The following BRSK2 variants were observed in gnomAD, a reference collection of about 807,000 sequenced individuals.
The protein encoded by BRSK2 is BR serine/threonine kinase 2, also known as serine/threonine-protein kinase BRSK2.
A neutral mutation model predicts 83.3 loss-of-function variants in BRSK2; 19 were observed. The ratio of observed to expected loss-of-function variants is 0.23; its 90% CI spans 0.16 to 0.33. BRSK2 has a LOEUF of 0.33. Among genes scored for constraint, BRSK2 ranks in the 10% least tolerant of loss-of-function variants. The pLI, the probability that BRSK2 is intolerant of heterozygous loss-of-function variation, is 1.00. For synonymous variants in BRSK2, 519 were observed against 435.4 expected (o/e 1.19, Z -2.39); for missense variants, 798 against 1,042.3 (o/e 0.77, Z 3.23).
chr11:1,410,746 T>C (rs1022175616), intron 1 of BRSK2: 9 of 984,952 alleles, frequency 9.1e-6, no homozygotes, highest in African/African-American at 1.8e-5. Context: ...GGTCCTCCAT[T>C]CTCAGGGGCT....
intron 18 of BRSK2, 118 bp from the exon 19 acceptor site, chr11:1,459,074 G>T: frequency 2.8e-5 from 22 of 784,126 alleles, no homozygotes; most frequent in South Asian, 1.2e-4. Context: ...CCATGCCTCT[G>T]GGGCCCTACC....
At chr11:1,424,978 C>T (rs11604903) in intron 1 of BRSK2, among the ~76,000 whole-genome samples, 55,183 of 152,196 alleles carry the variant, frequency 0.36, 10,854 homozygotes, top group African/African-American at 0.5. Flanking sequence ...TGTCAGAGAC[C>T]GCGGGGTCAG....
chr11:1,460,235 C>CCCACGGCGCACAGCTT (rs1361428321), intron 19 of BRSK2, among the ~76,000 whole-genome samples: 4 of 152,146 alleles, frequency 2.6e-5, no homozygotes, highest in Admixed American at 6.5e-5. Context: ...AGTTCCTGGC[C>CCCACGGCGCACAGCTT]CCACGGCGCA....
At chr11:1,459,371 GA>G (rs1440393224) in intron 19 of BRSK2, 132 bp downstream of exon 19, 2 of 983,706 alleles carry the variant, frequency 2.0e-6, no homozygotes, top group Non-Finnish European at 3.2e-6. Flanking sequence ...CAGCAGCCCA[GA>G]TGTCCCCGGC....
chr11:1,450,121 G>GTTTCT (rs1260097753), intron 13 of BRSK2, among the ~76,000 whole-genome samples: 1 of 151,644 alleles, frequency 6.6e-6, no homozygotes. Flanking sequence ...GCTCCCGCCT[G>GTTTCT]TTTCTTTCTG....
In BRSK2 at chr11:1,460,842, C is replaced by A; in HGVS notation, c.*119C>A. 1 of 1,543,422 alleles carries A rather than the reference C, an allele frequency of 6.5e-7. No homozygotes were observed. The highest frequency in any genetic ancestry group is 8.7e-7 in the Non-Finnish European group (1 of 1,147,664). On this transcript the variant is annotated 3_prime_UTR_variant, in exon 20 of 20. Transcript: ENST00000528841. ...CCGTCCGTCCAGACTGTTCTCAGAG[C>A]CTGGGAGGAAAGGAAAGGGGCGTTG... is the stretch of plus-strand genomic sequence containing the variant.
At chr11:1,429,216 G>A (rs1213089730) in intron 1 of BRSK2, among the ~76,000 whole-genome samples, 1 of 151,162 alleles carries the variant, frequency 6.6e-6, no homozygotes, top group East Asian at 1.9e-4. Flanking sequence ...TGCACGCGGT[G>A]TGTGGGCGTG....
intron 12 of BRSK2, among the ~76,000 whole-genome samples, chr11:1,446,124 G>T (rs1311323339): frequency 2.1e-5 from 3 of 144,848 alleles, no homozygotes; most frequent in Non-Finnish European, 4.5e-5. Context: ...GCTGAGCTGG[G>T]CTGGGCTGTG....
rs1847360171 is a variant in BRSK2 at position 1,460,644 on chromosome 11, C to G, written c.2132C>G (p.Pro711Arg). Residue 711 changes from proline (P) to arginine (R), a missense_variant, in exon 20 of 20, where the codon CCC becomes CGC. By Grantham distance (103) the Pro-to-Arg change is moderately radical (BLOSUM62 -2). This residue lies in a region of BRSK2 where 455 missense variants were observed against 455.2 expected (regional missense o/e 1.00). Transcript: ENST00000528841. ...GACTCCGCGGCCGCTGGCCCTGGCCCCGGAGGGGACGCCGAGTACCCAACG... is the reference window on the plus strand; with the variant it reads ...GACTCCGCGGCCGCTGGCCCTGGCCGCGGAGGGGACGCCGAGTACCCAACG... ...LGDSAAAGPG[P>R]GGDAEYPTGK... The G allele has an allele frequency of 4.6e-6, 7 of 1,529,078 alleles. No individual in the cohort carries two copies. The highest frequency in any genetic ancestry group is 6.1e-6 in the Non-Finnish European group (7 of 1,143,142). 94.7% of individuals were successfully genotyped at this position (1,529,078 alleles called of 1,614,324 possible). A position where few individuals can be genotyped will look rare whatever the true frequency, so the allele number is the denominator to read the frequency against.
At chr11:1,459,361 C>T in intron 19 of BRSK2, 122 bp downstream of exon 19, 1 of 1,089,530 alleles carries the variant, frequency 9.2e-7, no homozygotes, top group Admixed American at 1.7e-5. Flanking sequence ...TGTAGGCACC[C>T]AGCAGCCCAG....
chr11:1,459,301 C>G, intron 19 of BRSK2, 62 bp downstream of exon 19: 1 of 1,584,990 alleles, frequency 6.3e-7, no homozygotes, highest in Non-Finnish European at 8.7e-7. Context: ...ACCCTCAGCC[C>G]GCTGTGGCCG....
intron 12 of BRSK2, 120 bp from the exon 13 acceptor site, chr11:1,449,656 C>G (rs180840403): frequency 7.5e-6 from 6 of 800,244 alleles, no homozygotes; most frequent in Non-Finnish European, 1.2e-5. Context: ...CCCAGGGCCT[C>G]GAGGCTCTTG....
chr11:1,395,800 A>G (rs994738196), intron 1 of BRSK2, among the ~76,000 whole-genome samples: 3 of 152,184 alleles, frequency 2.0e-5, no homozygotes, highest in Admixed American at 6.5e-5. Flanking sequence ...CCTCAAGGCC[A>G]GGCTGTGCCC....
In BRSK2 at chr11:1,390,667, AGGTGCGC is replaced by A. The variant is rs1032679356; in HGVS notation, c.91+295_91+301del. 2.6e-4 allele frequency among the ~76,000 whole-genome samples: 38 copies of A among 148,546 alleles called. No homozygotes were observed. The highest frequency in any genetic ancestry group is 8.8e-4 in the African/African-American group (36 of 40,900). On this transcript the variant is annotated intron_variant, in intron 1 of 19. Transcript: ENST00000528841. The surrounding 1 kb of genome is among the most constrained non-coding windows in gnomAD (Gnocchi z 6.8). Reference sequence around the variant, plus strand: ...GACGGCGCCCCTCGGGCCCCGCTGCAGGTGCGCGGCCCGGGCCGCATTGTGCGCCCCA... The same window carrying A: ...GACGGCGCCCCTCGGGCCCCGCTGCAGGCCCGGGCCGCATTGTGCGCCCCA...
rs1311211120 is a variant in BRSK2 at position 1,456,336 on chromosome 11, C to T, written c.1669-12C>T. The T allele has an allele frequency of 8.4e-6, 13 of 1,548,246 alleles. No individual in the cohort carries two copies. The highest frequency in any genetic ancestry group is 8.7e-6 in the Non-Finnish European group (10 of 1,146,808). On this transcript the variant is annotated splice_polypyrimidine_tract_variant and intron_variant, in intron 16 of 19. Coordinates refer to ENST00000528841, the MANE Select transcript of BRSK2 (RefSeq NM_001256627.2). ...CCAGGCCAGCCACGCTCACGCTGCT[C>T]TCTCTCCACAGATTCCCAGTCTCAG... is the stretch of plus-strand genomic sequence containing the variant.
intron 1 of BRSK2, among the ~76,000 whole-genome samples, chr11:1,402,219 C>T (rs1199226198): frequency 6.6e-6 from 1 of 152,194 alleles, no homozygotes; most frequent in Non-Finnish European, 1.5e-5. Flanking sequence ...GTCGGGGCTC[C>T]CCGGGGCGGG....
chr11:1,411,802 A>G (rs1477338495), intron 1 of BRSK2, among the ~76,000 whole-genome samples: 1 of 152,134 alleles, frequency 6.6e-6, no homozygotes, highest in African/African-American at 2.4e-5. Flanking sequence ...GCCTGCCCCT[A>G]TGTGGAGAGG....
intron 1 of BRSK2, among the ~76,000 whole-genome samples, chr11:1,435,021 G>C (rs1052432533): frequency 6.6e-6 from 1 of 151,566 alleles, no homozygotes; most frequent in African/African-American, 2.4e-5. Flanking sequence ...GAGGGGGACC[G>C]GGACCGTGTG....
At chr11:1,439,999 C>T (rs1850975896) in intron 3 of BRSK2, among the ~76,000 whole-genome samples, 1 of 152,334 alleles carries the variant, frequency 6.6e-6, no homozygotes, top group African/African-American at 2.4e-5. Flanking sequence ...TCATCCCAGT[C>T]CGCACGGCAG....
Sources: gnomAD v4.1 joint callset for allele counts (sites outside exome capture counted in the v4.1 genomes callset) on GRCh38, gnomAD v4.1.1 for gene constraint, gnomAD v4.1.1 regional missense constraint, Gnocchi (gnomAD v3.1) non-coding constraint, MANE v1.5 for transcripts, NCBI Gene and HGNC (gene_info 2026-07-23, HGNC 2026-07-21) for gene names.